Variants in ATP1A3 observed in about 807,000 individuals in gnomAD.
ATP1A3 encodes sodium/potassium-transporting ATPase subunit alpha-3.
ATP1A3 carries 12 observed loss-of-function variants against 108.8 expected under a neutral mutation model. That is an observed-to-expected ratio of 0.11 (90% CI 0.07 to 0.18). ATP1A3 has a LOEUF of 0.18. ATP1A3 is among the 10% of genes least tolerant of loss of function. The probability of loss-of-function intolerance (pLI) is 1.00; values close to 1 mark genes in which losing one functional copy is unlikely to be tolerated. For missense variants in ATP1A3, 498 were observed against 1,387.7 expected (o/e 0.36, Z 10.19); for synonymous variants, 539 against 564.5 (o/e 0.95, Z 0.64).
At chr19:41,992,472 C>G (rs372565217) in intron 1 of ATP1A3, among the ~76,000 whole-genome samples, 115 of 152,252 alleles carry the variant, frequency 7.6e-4, no homozygotes, top group African/African-American at 2.7e-3. Context: ...AGCCTCTGCG[C>G]CTGGGCCGGC....
rs782530476 is a variant in ATP1A3, at chr19:41,981,658, A to G, written c.1303-22T>C. The G allele has an allele frequency of 1.9e-6, 3 of 1,614,202 alleles. No homozygotes were observed. The Admixed American group carries it at 5.0e-5, about 27-fold the overall frequency. On this transcript the variant is annotated intron_variant, in intron 10 of 22. Transcript: ENST00000648268. The surrounding 1 kb of genome is among the most constrained non-coding windows in gnomAD (Gnocchi z 5.0). Reference sequence around the variant, plus strand: ...CCCTCTGCAAGGAGAAAGGGTTGTCAGAACAGGGACAGCTGAGGGGAGGAC... The same window carrying G: ...CCCTCTGCAAGGAGAAAGGGTTGTCGGAACAGGGACAGCTGAGGGGAGGAC...
At chr19:41,991,117 G>A (rs373309173) in intron 1 of ATP1A3, among the ~76,000 whole-genome samples, 2 of 152,156 alleles carry the variant, frequency 1.3e-5, no homozygotes, top group African/African-American at 2.4e-5. Flanking sequence ...GGCAGTGTCC[G>A]AGGCTGGTGG....
At chr19:41,974,710 A>C (rs1202528807) in intron 16 of ATP1A3, among the ~76,000 whole-genome samples, 1 of 152,188 alleles carries the variant, frequency 6.6e-6, no homozygotes, top group Non-Finnish European at 1.5e-5. Context: ...TTTTTTCCTG[A>C]ATGCTTTTCT....
At chr19:41,983,705 T>G (rs1599721112) in intron 8 of ATP1A3, among the ~76,000 whole-genome samples, 1 of 147,686 alleles carries the variant, frequency 6.8e-6, no homozygotes, top group Non-Finnish European at 1.5e-5. Context: ...ACCTCCCGGG[T>G]CAGCCTCCCA....
intron 16 of ATP1A3, 82 bp from the exon 17 acceptor site, chr19:41,970,624 T>TA (rs2075093920): frequency 3.2e-6 from 3 of 948,142 alleles, no homozygotes; most frequent in South Asian, 1.7e-5. Context: ...TCATCCAACG[T>TA]CCTTTTTTTT....
Position 41,977,927 on chromosome 19 carries a change from G to A in ATP1A3, c.1943+9C>T, listed in dbSNP as rs782731051. 2 of 1,614,072 alleles carry A rather than the reference G, an allele frequency of 1.2e-6. No homozygotes were observed. The highest frequency in any genetic ancestry group is 1.7e-6 in the Non-Finnish European group (2 of 1,179,966). ...ATGTCCAGGGCCCTGGCTGGGATGG[G>A]TGGCTCACCGGGGGTTAACCTGGCT... On this transcript the variant is annotated intron_variant, in intron 14 of 22. Coordinates refer to ENST00000648268, the MANE Select transcript of ATP1A3 (RefSeq NM_152296.5).
chr19:41,968,747 A>T lies in ATP1A3; in HGVS notation c.2819+38T>A, dbSNP rs1555859134. 1 of 1,612,898 alleles carries T rather than the reference A, an allele frequency of 6.2e-7. No individual in the cohort carries two copies. The highest frequency in any genetic ancestry group is 1.1e-5 in the South Asian group (1 of 91,066). Reference sequence around the variant, plus strand: ...AGACAGACAGACACTCGGACAGGACAGATGGCTGTCCAGTCACCATGTGCC... The same window carrying T: ...AGACAGACAGACACTCGGACAGGACTGATGGCTGTCCAGTCACCATGTGCC... On this transcript the variant is annotated intron_variant, in intron 20 of 22. Transcript: ENST00000648268. This position sits in a 1 kb window ranked among gnomAD's most constrained non-coding sequence, Gnocchi z 5.0.
intron 8 of ATP1A3, among the ~76,000 whole-genome samples, chr19:41,983,599 T>C (rs1555864238): frequency 6.9e-6 from 1 of 145,668 alleles, no homozygotes; most frequent in African/African-American, 2.5e-5. Flanking sequence ...ATTATTATTA[T>C]AATAATTATT....
At chr19:41,983,096 G>A (rs1446772891) in intron 8 of ATP1A3, among the ~76,000 whole-genome samples, 3 of 142,768 alleles carry the variant, frequency 2.1e-5, no homozygotes, top group South Asian at 2.2e-4. Flanking sequence ...TTTTTTTTTT[G>A]AGACACAGTC....
Position 41,988,680 on chromosome 19 carries a change from C to T in ATP1A3, c.7-118G>A. On this transcript the variant is annotated intron_variant, in intron 1 of 22. Transcript: ENST00000648268. This position sits in a 1 kb window ranked among gnomAD's most constrained non-coding sequence, Gnocchi z 5.3. ...CCTCCTGGCCGGTGCCCCTGCATCT[C>T]TGGGTGGGGGGTCTCTGTCTGCCTC... The T allele has an allele frequency of 6.3e-7, 1 of 1,588,718 alleles. No homozygotes were observed. Among genetic ancestry groups the T allele is most frequent in the Non-Finnish European group, 8.5e-7 (1 of 1,169,770 alleles).
At chr19:41,975,937 C>T in intron 15 of ATP1A3, 140 bp from the exon 16 acceptor site, 1 of 1,210,824 alleles carries the variant, frequency 8.3e-7, no homozygotes, top group Non-Finnish European at 1.2e-6. Context: ...TCCCCTCAGA[C>T]CTAGGAGTTC....
In ATP1A3 at chr19:41,978,116, C is replaced by G. The variant is rs1555862047; in HGVS notation, c.1806+35G>C. On this transcript the variant is annotated intron_variant, in intron 13 of 22. Coordinates refer to ENST00000648268, the MANE Select transcript of ATP1A3 (RefSeq NM_152296.5). The surrounding 1 kb of genome is among the most constrained non-coding windows in gnomAD (Gnocchi z 8.3). ...AGGGATGGCCTCTCCCGCCCCACGC[C>G]TGGCTTTGCCTCCCCCAGCCACCCC... is the stretch of plus-strand genomic sequence containing the variant. 6.2e-7 allele frequency: 1 copy of G among 1,614,256 alleles called. No individual in the cohort carries two copies. The highest frequency in any genetic ancestry group is 1.3e-5 in the African/African-American group (1 of 75,078).
Position 41,966,804 on chromosome 19 carries a change from AG to A in ATP1A3, c.*132del, listed in dbSNP as rs782573407. 4 of 733,466 alleles carry A rather than the reference AG, an allele frequency of 5.5e-6. No individual in the cohort carries two copies. The highest frequency in any genetic ancestry group is 3.7e-5 in the Admixed American group (1 of 27,128). The allele number at this position is 733,466 out of a possible 1,614,324, so 45.4% of individuals were successfully genotyped here. ...GAGTGGGGGCGGCAGGAGATAGTGG[AG>A]GGGGTGGGGGCCAAGGTGGGGCCAC... is the stretch of plus-strand genomic sequence containing the variant. On this transcript the variant is annotated 3_prime_UTR_variant, in exon 23 of 23. Transcript: ENST00000648268.
chr19:41,972,311 C>T (rs1301572089), intron 16 of ATP1A3, among the ~76,000 whole-genome samples: 1 of 151,944 alleles, frequency 6.6e-6, no homozygotes, highest in Non-Finnish European at 1.5e-5. Context: ...CCTGTGGTCG[C>T]AGCTACTTGG....
chr19:41,992,095 G>A (rs371382327), intron 1 of ATP1A3, among the ~76,000 whole-genome samples: 3 of 143,586 alleles, frequency 2.1e-5, no homozygotes, highest in African/African-American at 8.1e-5. Context: ...CTGGGGCCTG[G>A]ACTCCTGGTC....
In ATP1A3 at chr19:41,978,129, C is replaced by G; in HGVS notation, c.1806+22G>C. On this transcript the variant is annotated intron_variant, in intron 13 of 22. Coordinates refer to ENST00000648268, the MANE Select transcript of ATP1A3 (RefSeq NM_152296.5). This position sits in a 1 kb window ranked among gnomAD's most constrained non-coding sequence, Gnocchi z 8.3. ...CCCGCCCCACGCCTGGCTTTGCCTC[C>G]CCCAGCCACCCCAAGCCACACCTTG... 6.2e-7 allele frequency: 1 copy of G among 1,614,202 alleles called. No homozygotes were observed. The highest frequency in any genetic ancestry group is 8.5e-7 in the Non-Finnish European group (1 of 1,180,036).
chr19:41,969,728 C>A, intron 18 of ATP1A3, 148 bp from the exon 19 acceptor site: 2 of 1,197,682 alleles, frequency 1.7e-6, no homozygotes, highest in Non-Finnish European at 2.4e-6. Flanking sequence ...CAGAGGGTGA[C>A]CTGAGGTCTC....
At chr19:41,991,783 G>T (rs1555867494) in intron 1 of ATP1A3, among the ~76,000 whole-genome samples, 2 of 149,614 alleles carry the variant, frequency 1.3e-5, no homozygotes, top group Non-Finnish European at 3.0e-5. Context: ...GGACCCCTGG[G>T]TCTGAGGGAG....
chr19:41,984,877 C>A (rs547037913), intron 8 of ATP1A3, 41 bp downstream of exon 8: 41 of 1,588,988 alleles, frequency 2.6e-5, no homozygotes, highest in Non-Finnish European at 3.3e-5. Context: ...GAGCCCAGAC[C>A]CCCAGGCCCT....
Sources: allele counts gnomAD v4.1 joint callset (sites outside exome capture counted in the v4.1 genomes callset), GRCh38; gene constraint gnomAD v4.1.1; non-coding constraint Gnocchi (gnomAD v3.1); transcripts MANE v1.5; gene names NCBI Gene and HGNC (gene_info 2026-07-23, HGNC 2026-07-21).